The following DISC1 variants were observed in gnomAD, a reference collection of about 807,000 sequenced individuals.
DISC1 encodes the protein disrupted in schizophrenia 1 protein.
In DISC1, 57 loss-of-function variants were observed where a neutral mutation model predicts 84.5. The observed-to-expected ratio is 0.67, with a 90% CI of 0.55 to 0.84. The LOEUF (loss-of-function observed/expected upper bound fraction) is 0.84. DISC1 is among the 40% of genes least tolerant of loss of function. DISC1 has a pLI of 0.00. For synonymous variants in DISC1, 411 were observed against 415.2 expected, an observed-to-expected ratio of 0.99 and a Z score of 0.12; for missense variants, 1,000 against 1,057.8, an observed-to-expected ratio of 0.95 and a Z score of 0.76.
chr1:231,700,879 A>C (rs1342341647), intron 2 of DISC1, among the ~76,000 whole-genome samples: 1 of 152,206 alleles, frequency 6.6e-6, no homozygotes, highest in Non-Finnish European at 1.5e-5. Flanking sequence ...AAGGAAATGT[A>C]GGTGTGAGCC....
intron 9 of DISC1, among the ~76,000 whole-genome samples, chr1:231,918,361 G>C (rs2089779811): frequency 6.6e-6 from 1 of 152,226 alleles, no homozygotes; most frequent in Non-Finnish European, 1.5e-5. Flanking sequence ...GAGCTGAATG[G>C]TAGCCTATCA....
intron 10 of DISC1, among the ~76,000 whole-genome samples, chr1:231,975,491 G>A (rs762896006): frequency 1.3e-5 from 2 of 152,278 alleles, no homozygotes; most frequent in South Asian, 2.1e-4. Flanking sequence ...CAAAGGAAAA[G>A]AAATCAATGT....
chr1:231,893,818 A>G (rs1267502538), intron 9 of DISC1, among the ~76,000 whole-genome samples: 1 of 152,218 alleles, frequency 6.6e-6, no homozygotes, highest in Admixed American at 6.5e-5. Flanking sequence ...CTCTGCCTGT[A>G]CTGAAGAGAA....
At chr1:231,978,073 G>T (rs1572452429) in intron 10 of DISC1, among the ~76,000 whole-genome samples, 3 of 149,186 alleles carry the variant, frequency 2.0e-5, no homozygotes, top group African/African-American at 2.5e-5. Flanking sequence ...TTCACATGTG[G>T]TTTTTTTTTT....
chr1:231,966,145 C>A (rs1661087045), intron 10 of DISC1, among the ~76,000 whole-genome samples: 1 of 152,272 alleles, frequency 6.6e-6, no homozygotes, highest in Non-Finnish European at 1.5e-5. Flanking sequence ...ACTTGATTAT[C>A]TTGACACTAT....
At chr1:231,657,016 T>G (rs2061155930) in intron 1 of DISC1, among the ~76,000 whole-genome samples, 1 of 152,250 alleles carries the variant, frequency 6.6e-6, no homozygotes, top group African/African-American at 2.4e-5. Context: ...ATGCACCACA[T>G]TTATTTATCC....
rs1406809870 is a variant in DISC1 at position 232,039,253 on chromosome 1, C to A, written c.*2422C>A. On this transcript the variant is annotated 3_prime_UTR_variant, in exon 13 of 13. Coordinates refer to ENST00000439617, the MANE Select transcript of DISC1 (RefSeq NM_018662.3). ...TGGCCACATTGCCAATAACAAATTC[C>A]TACTTCGACATATGTCTTTTCAAAA... is the stretch of plus-strand genomic sequence containing the variant. 3 of 152,156 alleles carry A rather than the reference C, an allele frequency of 2.0e-5. No individual in the cohort carries two copies. Among genetic ancestry groups the A allele is most frequent in the African/African-American group, 7.2e-5 (3 of 41,448 alleles). The allele number at this position is 152,156 out of a possible 1,614,324, so 9.4% of individuals were successfully genotyped here.
intron 9 of DISC1, among the ~76,000 whole-genome samples, chr1:231,883,655 G>A (rs557692557): frequency 2.6e-5 from 4 of 152,234 alleles, no homozygotes; most frequent in Middle Eastern, 3.4e-3. Flanking sequence ...AGGCAGGTGA[G>A]GCCACAGGCA....
At chr1:231,702,265 T>G in intron 3 of DISC1, 2 of 1,197,594 alleles carry the variant, frequency 1.7e-6, no homozygotes, top group Non-Finnish European at 2.1e-6. Context: ...ACACTTAGCA[T>G]ACTCACACAA....
intron 9 of DISC1, among the ~76,000 whole-genome samples, chr1:231,898,102 CA>C (rs2087850059): frequency 6.6e-6 from 1 of 152,206 alleles, no homozygotes; most frequent in African/African-American, 2.4e-5. Context: ...AAAGCAGTAT[CA>C]CATGTACACA....
chr1:231,835,945 CTG>C (rs1455411764), intron 9 of DISC1, among the ~76,000 whole-genome samples: 1 of 152,216 alleles, frequency 6.6e-6, no homozygotes, highest in African/African-American at 2.4e-5. Flanking sequence ...TATTTCCACT[CTG>C]TGTATTAATA....
At position 231,651,111 on chromosome 1, in the gene DISC1, C is replaced by G. The variant is rs569788261; in HGVS notation, c.67+24177C>G. On this transcript the variant is annotated intron_variant, in intron 1 of 12. Transcript: ENST00000439617. Reference sequence around the variant, plus strand: ...CTGTCCAGCTTTGTTCTGTTGCTGGCGAGGAGCTGTGATCCTTTGGAGGAG... The same window carrying G: ...CTGTCCAGCTTTGTTCTGTTGCTGGGGAGGAGCTGTGATCCTTTGGAGGAG... 2.0e-5 allele frequency among the ~76,000 whole-genome samples: 3 copies of G among 152,228 alleles called. No individual in the cohort carries two copies. The South Asian group carries it at 6.2e-4, about 32-fold the overall frequency.
rs142479288 is a variant in DISC1 at position 231,909,657 on chromosome 1, G to C, written c.1982-49171G>C. ...CTTTTTTTTGTCGTGTCTCTGCCAG[G>C]CTTTGGTATCAGGATGATGCTGGCC... On this transcript the variant is annotated intron_variant, in intron 9 of 12. Transcript: ENST00000439617. Among the ~76,000 whole-genome samples the C allele has an allele frequency of 2.3e-3, 351 of 152,248 alleles. 1 individual carries two copies. The highest frequency in any genetic ancestry group is 7.9e-3 in the African/African-American group (328 of 41,552).
chr1:231,790,844 C>T (rs1371130467), intron 6 of DISC1, among the ~76,000 whole-genome samples: 4 of 152,118 alleles, frequency 2.6e-5, no homozygotes, highest in Admixed American at 6.6e-5. Context: ...ATAATGATAC[C>T]AGTCATATTG....
At chr1:231,683,216 T>C (rs1340079300) in intron 1 of DISC1, among the ~76,000 whole-genome samples, 1 of 152,124 alleles carries the variant, frequency 6.6e-6, no homozygotes, top group Non-Finnish European at 1.5e-5. Context: ...CTAGCATCAT[T>C]AAAGTTTATG....
chr1:231,981,748 T>G (rs1663632375), intron 10 of DISC1, among the ~76,000 whole-genome samples: 1 of 152,132 alleles, frequency 6.6e-6, no homozygotes, highest in Non-Finnish European at 1.5e-5. Flanking sequence ...GAGATGCTTA[T>G]GAGTGAAGGC....
chr1:231,819,004 C>A, intron 9 of DISC1: 1 of 995,392 alleles, frequency 1.0e-6, no homozygotes. Flanking sequence ...GTGAATGCCG[C>A]CTTAGCCAAA....
At chr1:232,014,405 G>A (rs1372856861) in intron 11 of DISC1, among the ~76,000 whole-genome samples, 1 of 152,132 alleles carries the variant, frequency 6.6e-6, no homozygotes, top group South Asian at 2.1e-4. Flanking sequence ...TAATGTCTTT[G>A]GGGAGAAAGC....
intron 8 of DISC1, 93 bp from the exon 9 acceptor site, chr1:231,818,236 G>A (rs977881075): frequency 1.8e-5 from 23 of 1,266,754 alleles, no homozygotes; most frequent in Non-Finnish European, 2.4e-5. Flanking sequence ...CTTTGCCCAT[G>A]CTGTGAATGT....
Sources: gnomAD v4.1 joint callset for allele counts (sites outside exome capture counted in the v4.1 genomes callset) on GRCh38, gnomAD v4.1.1 for gene constraint, MANE v1.5 for transcripts, NCBI Gene and HGNC (gene_info 2026-07-23, HGNC 2026-07-21) for gene names.